Variants in SMOC1 observed in about 807,000 individuals in gnomAD.
SMOC1 encodes SPARC related modular calcium binding 1.
In SMOC1, 22 loss-of-function variants were observed where a neutral mutation model predicts 56.3. That is an observed-to-expected ratio of 0.39 (90% CI 0.28 to 0.56). The LOEUF is 0.56. Ranked by LOEUF, SMOC1 falls within the 20% of genes least tolerant of loss-of-function variation. SMOC1 has a pLI of 0.61. For missense variants in SMOC1, 509 were observed against 565.4 expected, an observed-to-expected ratio of 0.90 and a Z score of 1.01; for synonymous variants, 193 against 215.0, an observed-to-expected ratio of 0.90 and a Z score of 0.89.
At chr14:69,928,520 T>C (rs1324937178) in intron 1 of SMOC1, among the ~76,000 whole-genome samples, 3 of 152,020 alleles carry the variant, frequency 2.0e-5, no homozygotes, top group Non-Finnish European at 4.4e-5. Flanking sequence ...ATTTGCAAAC[T>C]CCAGCGAGGT....
chr14:69,962,691 C>A (rs1272381124), intron 3 of SMOC1, among the ~76,000 whole-genome samples: 1 of 152,134 alleles, frequency 6.6e-6, no homozygotes, highest in East Asian at 1.9e-4. Flanking sequence ...ATCCTCCCAC[C>A]TCAGCCTCTT....
At chr14:69,962,707 G>T (rs1426926464) in intron 3 of SMOC1, among the ~76,000 whole-genome samples, 1 of 152,034 alleles carries the variant, frequency 6.6e-6, no homozygotes, top group Non-Finnish European at 1.5e-5. Context: ...CTCTTGAGTA[G>T]GTGGGACTAC....
intron 9 of SMOC1, among the ~76,000 whole-genome samples, chr14:70,011,927 G>A (rs765268574): frequency 1.6e-4 from 24 of 152,200 alleles, no homozygotes; most frequent in South Asian, 2.1e-4. Flanking sequence ...TGTCCTGAGC[G>A]ATGTGGACAG....
chr14:70,020,151 C>CTTT (rs78716484), intron 10 of SMOC1, among the ~76,000 whole-genome samples: 108 of 146,714 alleles, frequency 7.4e-4, no homozygotes, highest in Middle Eastern at 3.4e-3. Flanking sequence ...TTGTTTTTGT[C>CTTT]TTTTTTTTTT....
intron 1 of SMOC1, among the ~76,000 whole-genome samples, chr14:69,934,580 A>T (rs917029377): frequency 1.8e-4 from 28 of 152,296 alleles, no homozygotes; most frequent in African/African-American, 6.5e-4. Context: ...TCCAGGTGTT[A>T]TGGCCTTTGA....
chr14:69,916,575 A>G (rs1884692189), intron 1 of SMOC1, among the ~76,000 whole-genome samples: 1 of 151,894 alleles, frequency 6.6e-6, no homozygotes. Context: ...CAGCTGCTCC[A>G]CCTCTTTGCT....
intron 1 of SMOC1, among the ~76,000 whole-genome samples, chr14:69,926,708 T>A (rs1380904242): frequency 1.3e-5 from 2 of 152,136 alleles, no homozygotes; most frequent in Non-Finnish European, 2.9e-5. Flanking sequence ...TGGGGCCCCA[T>A]CAGGGATGAA....
intron 1 of SMOC1, among the ~76,000 whole-genome samples, chr14:69,945,841 A>G (rs1013779607): frequency 6.6e-6 from 1 of 152,206 alleles, no homozygotes; most frequent in African/African-American, 2.4e-5. Flanking sequence ...AATCCAGTGG[A>G]TAGACCACTG....
intron 10 of SMOC1, among the ~76,000 whole-genome samples, chr14:70,015,805 A>T (rs372033001): frequency 6.6e-6 from 1 of 152,156 alleles, no homozygotes; most frequent in Non-Finnish European, 1.5e-5. Flanking sequence ...TTGAAAAGGC[A>T]GTATTGTTGG....
intron 8 of SMOC1, 114 bp downstream of exon 8, chr14:70,011,060 A>T: frequency 8.4e-7 from 1 of 1,186,138 alleles, no homozygotes; most frequent in Non-Finnish European, 1.2e-6. Context: ...TGGGAGAGCC[A>T]TGTTTTCAAT....
At position 69,972,932 on chromosome 14, in the gene SMOC1, G is replaced by A. The variant is rs189464082; in HGVS notation, c.379-2783G>A. 1.2e-4 allele frequency among the ~76,000 whole-genome samples: 19 copies of A among 152,330 alleles called. No homozygotes were observed. In the East Asian group the frequency reaches 2.5e-3, roughly 20 times the overall value. The stretch of plus-strand genomic sequence containing the variant: ...CTGGGCCAGAGACACAGCCTCGGGC[G>A]ATGGACTTGAGGGCACAGTCCTCAT... On this transcript the variant is annotated intron_variant, in intron 3 of 11. Coordinates refer to ENST00000361956, the MANE Select transcript of SMOC1 (RefSeq NM_001034852.3).
rs183390617 is a variant in SMOC1 at position 69,985,263 on chromosome 14, C to T, written c.527-7154C>T. On this transcript the variant is annotated intron_variant, in intron 5 of 11. Transcript: ENST00000361956. Reference sequence around the variant, plus strand: ...CAACACCAAATGATAGTGAGGCTGCCGAGAAACTGGACCTCTCATACATCG... The same window carrying T: ...CAACACCAAATGATAGTGAGGCTGCTGAGAAACTGGACCTCTCATACATCG... Among the ~76,000 whole-genome samples the T allele has an allele frequency of 2.0e-5, 3 of 152,160 alleles. No individual in the cohort carries two copies. The East Asian group carries it at 5.8e-4, about 29-fold the overall frequency.
intron 7 of SMOC1, among the ~76,000 whole-genome samples, chr14:69,999,421 G>A (rs1884887626): frequency 6.6e-6 from 1 of 152,218 alleles, no homozygotes; most frequent in African/African-American, 2.4e-5. Context: ...GAAACCAGCG[G>A]TAGCCGTCGT....
intron 3 of SMOC1, among the ~76,000 whole-genome samples, chr14:69,971,719 A>G (rs765007247): frequency 1.3e-5 from 2 of 152,242 alleles, no homozygotes; most frequent in African/African-American, 2.4e-5. Flanking sequence ...TTGATCATGT[A>G]TATAGAAACC....
At chr14:70,028,747 C>T (rs750809633) in intron 11 of SMOC1, among the ~76,000 whole-genome samples, 1 of 152,122 alleles carries the variant, frequency 6.6e-6, no homozygotes, top group African/African-American at 2.4e-5. Context: ...CTGACTCTGC[C>T]GCTTCCCACC....
At chr14:70,012,924 G>T (rs1368171370) in intron 9 of SMOC1, among the ~76,000 whole-genome samples, 2 of 152,192 alleles carry the variant, frequency 1.3e-5, no homozygotes, top group Non-Finnish European at 2.9e-5. Context: ...TCTGGTGGTA[G>T]GTGTACTTAA....
In SMOC1 at chr14:70,031,745, C is replaced by G. The variant is rs943778279; in HGVS notation, c.*1487C>G. ...CCAGGTGCTGTGCCTATTCAAGTGG[C>G]CTTCAGGCAGAGCAGCAAGTGGCCC... is the stretch of plus-strand genomic sequence containing the variant. On this transcript the variant is annotated 3_prime_UTR_variant, in exon 12 of 12. Transcript: ENST00000361956. 1 of 152,384 alleles carries G rather than the reference C, an allele frequency of 6.6e-6. No homozygotes were observed. Among genetic ancestry groups the G allele is most frequent in the African/African-American group, 2.4e-5 (1 of 41,450 alleles). 9.4% of individuals were successfully genotyped at this position (152,384 alleles called of 1,614,324 possible). A position where few individuals can be genotyped will look rare whatever the true frequency, so the allele number is the denominator to read the frequency against.
At chr14:69,970,304 T>A (rs1171675050) in intron 3 of SMOC1, among the ~76,000 whole-genome samples, 1 of 152,194 alleles carries the variant, frequency 6.6e-6, no homozygotes, top group Admixed American at 6.5e-5. Flanking sequence ...TCTGAGAGCT[T>A]TCCATCTGCC....
intron 5 of SMOC1, 152 bp downstream of exon 5, chr14:69,978,117 C>A: frequency 2.7e-6 from 2 of 728,806 alleles, no homozygotes; most frequent in Non-Finnish European, 2.5e-6. Context: ...CTCTCTGAAG[C>A]ACCCGAGGTA....
Sources: allele counts gnomAD v4.1 joint callset (sites outside exome capture counted in the v4.1 genomes callset), GRCh38; gene constraint gnomAD v4.1.1; transcripts MANE v1.5; gene names NCBI Gene and HGNC (gene_info 2026-07-23, HGNC 2026-07-21).